DOCK2: variants seen among roughly 807,000 people sequenced by gnomAD.
DOCK2 encodes dedicator of cytokinesis protein 2.
Under a neutral mutation model 248.9 loss-of-function variants are expected in DOCK2, and 87 were observed. The observed-to-expected ratio is 0.35, with a 90% CI of 0.29 to 0.42. The LOEUF is 0.42. Ranked by LOEUF, DOCK2 falls within the 10% of genes least tolerant of loss-of-function variation. The pLI, the probability that DOCK2 is intolerant of heterozygous loss-of-function variation, is 1.00. For missense variants in DOCK2, 1,747 were observed against 2,300.2 expected (o/e 0.76, Z 4.92); for synonymous variants, 805 against 821.6 (o/e 0.98, Z 0.35).
intron 27 of DOCK2, among the ~76,000 whole-genome samples, chr5:169,905,129 T>C (rs1774204337): frequency 6.6e-6 from 1 of 151,992 alleles, no homozygotes; most frequent in African/African-American, 2.4e-5. Flanking sequence ...CTACAGTGGG[T>C]TTAGGAAGGG....
intron 1 of DOCK2, among the ~76,000 whole-genome samples, chr5:169,642,275 G>T (rs1334222582): frequency 6.6e-6 from 1 of 152,188 alleles, no homozygotes; most frequent in Non-Finnish European, 1.5e-5. Context: ...TGTGTGCCAG[G>T]CATTATGCTA....
rs771870937 is a variant in DOCK2, at chr5:169,718,806, T to G, written c.2267+15T>G. On this transcript the variant is annotated intron_variant, in intron 22 of 51. Transcript: ENST00000520908. ...TTATTTTCACAGTGAGTACTTGTTA[T>G]GTAAGAGTGATTGATTAGCTCTGCA... 6.2e-7 allele frequency: 1 copy of G among 1,606,702 alleles called. No individual in the cohort carries two copies. The highest frequency in any genetic ancestry group is 1.3e-5 in the African/African-American group (1 of 74,962).
At chr5:169,906,205 A>C (rs996358733) in intron 27 of DOCK2, among the ~76,000 whole-genome samples, 2 of 152,202 alleles carry the variant, frequency 1.3e-5, no homozygotes, top group Admixed American at 6.5e-5. Context: ...GGATAGTCAG[A>C]AAGTTCTTTC....
intron 34 of DOCK2, chr5:170,028,477 C>T (rs1756004643): frequency 6.5e-6 from 1 of 154,434 alleles, no homozygotes; most frequent in African/African-American, 2.4e-5. Flanking sequence ...GCATCCTGAA[C>T]CTGGCTCTGC....
chr5:169,971,839 G>A (rs938949082), intron 27 of DOCK2, among the ~76,000 whole-genome samples: 3 of 152,104 alleles, frequency 2.0e-5, no homozygotes, highest in Non-Finnish European at 4.4e-5. Context: ...AATATCTCTC[G>A]TAGTTACCCA....
chr5:169,870,863 T>C (rs1771922306), intron 27 of DOCK2, among the ~76,000 whole-genome samples: 1 of 152,144 alleles, frequency 6.6e-6, no homozygotes, highest in Admixed American at 6.6e-5. Flanking sequence ...CTTAGTCTGC[T>C]TGGGTTGCTA....
At chr5:169,873,376 G>C (rs901167490) in intron 27 of DOCK2, among the ~76,000 whole-genome samples, 2 of 152,174 alleles carry the variant, frequency 1.3e-5, no homozygotes, top group Non-Finnish European at 1.5e-5. Context: ...GTTTGCTATT[G>C]GTTGTTTTGG....
At chr5:170,045,967 C>G in intron 39 of DOCK2, 62 bp downstream of exon 39, 1 of 1,519,206 alleles carries the variant, frequency 6.6e-7, no homozygotes, top group African/African-American at 1.4e-5. Context: ...CCTCAGCTCA[C>G]CCCAGATCCT....
At chr5:169,699,735 T>C (rs1025805234) in intron 12 of DOCK2, among the ~76,000 whole-genome samples, 29 of 152,238 alleles carry the variant, frequency 1.9e-4, no homozygotes, top group African/African-American at 5.1e-4. Flanking sequence ...TTTGATTTCT[T>C]TCTTAATCCA....
At chr5:169,745,497 T>C (rs1763563174) in intron 22 of DOCK2, among the ~76,000 whole-genome samples, 2 of 152,158 alleles carry the variant, frequency 1.3e-5, no homozygotes, top group African/African-American at 4.8e-5. Flanking sequence ...TGCCCAAGGC[T>C]TGTGGGAATT....
intron 22 of DOCK2, 126 bp downstream of exon 22, chr5:169,718,917 G>T: frequency 1.6e-6 from 2 of 1,280,920 alleles, no homozygotes; most frequent in Non-Finnish European, 2.1e-6. Context: ...AACAGCTCAA[G>T]AATCCAACCT....
intron 36 of DOCK2, among the ~76,000 whole-genome samples, chr5:170,039,808 G>GTTCCCT (rs1756453508): frequency 6.6e-6 from 1 of 152,220 alleles, no homozygotes; most frequent in South Asian, 2.1e-4. Flanking sequence ...GTGAGACAGT[G>GTTCCCT]GGTCAGGGTA....
chr5:169,654,541 A>G, intron 2 of DOCK2, 55 bp downstream of exon 2: 2 of 1,588,044 alleles, frequency 1.3e-6, no homozygotes, highest in African/African-American at 1.3e-5. Context: ...GGAAGCCTAT[A>G]GTACACCCAG....
chr5:170,064,075 C>G (rs1454581190), intron 44 of DOCK2, among the ~76,000 whole-genome samples: 1 of 152,070 alleles, frequency 6.6e-6, no homozygotes, highest in Non-Finnish European at 1.5e-5. Flanking sequence ...AAAACAGAGA[C>G]AGCAGTCTGG....
intron 27 of DOCK2, among the ~76,000 whole-genome samples, chr5:169,892,667 A>G (rs1297039699): frequency 6.6e-6 from 1 of 152,212 alleles, no homozygotes; most frequent in Non-Finnish European, 1.5e-5. Flanking sequence ...TATGACTACC[A>G]TCTACCTCTA....
At chr5:169,740,946 C>T (rs560498192) in intron 22 of DOCK2, among the ~76,000 whole-genome samples, 28 of 152,266 alleles carry the variant, frequency 1.8e-4, no homozygotes, top group African/African-American at 6.5e-4. Flanking sequence ...GGCGATCCTC[C>T]AGCCTCAGCC....
At position 169,662,113 on chromosome 5, in the gene DOCK2, G is replaced by A. The variant is rs189202525; in HGVS notation, c.128-7175G>A. On this transcript the variant is annotated intron_variant, in intron 2 of 51. Transcript: ENST00000520908. ...AGAGTTCCCCTTTTTCCACACCCTC[G>A]CCAACATTTGTTATCTCTTGACTTT... is the stretch of plus-strand genomic sequence containing the variant. Among the ~76,000 whole-genome samples, 5 of 151,990 alleles carry A rather than the reference G, an allele frequency of 3.3e-5. No individual in the cohort carries two copies. In the South Asian group the frequency reaches 8.3e-4, roughly 25 times the overall value.
At chr5:169,714,260 G>A in intron 18 of DOCK2, 49 bp downstream of exon 18, 2 of 1,604,226 alleles carry the variant, frequency 1.2e-6, no homozygotes, top group Non-Finnish European at 1.7e-6. Flanking sequence ...GTGTGTCCGT[G>A]TGTGTGTACA....
chr5:169,748,074 C>T (rs553904853), intron 23 of DOCK2, among the ~76,000 whole-genome samples: 2 of 152,056 alleles, frequency 1.3e-5, no homozygotes, highest in African/African-American at 2.4e-5. Flanking sequence ...ACTGGGGGTG[C>T]GGGTGGGGGA....
Sources: gnomAD v4.1 joint callset for allele counts (sites outside exome capture counted in the v4.1 genomes callset) on GRCh38, gnomAD v4.1.1 for gene constraint, MANE v1.5 for transcripts, NCBI Gene and HGNC (gene_info 2026-07-23, HGNC 2026-07-21) for gene names.